SCEL: variants seen among roughly 807,000 people sequenced by gnomAD.
SCEL encodes the protein sciellin.
A neutral mutation model predicts 117.6 loss-of-function variants in SCEL; 113 were observed. The observed-to-expected ratio is 0.96, with a 90% CI of 0.83 to 1.12. SCEL has a LOEUF of 1.12. Ranked by LOEUF, SCEL falls within the 50% of genes most tolerant of loss-of-function variation. SCEL has a pLI of 0.00. For synonymous variants in SCEL, 270 were observed against 256.2 expected (o/e 1.05, Z -0.51); for missense variants, 785 against 810.8 (o/e 0.97, Z 0.39).
chr13:77,552,318 A>C (rs1023779041), intron 1 of SCEL, among the ~76,000 whole-genome samples: 2 of 151,454 alleles, frequency 1.3e-5, no homozygotes, highest in African/African-American at 4.9e-5. Context: ...CCAACAGTGT[A>C]AAAGTGTTCC....
intron 9 of SCEL, among the ~76,000 whole-genome samples, chr13:77,579,319 A>G (rs2154398595): frequency 6.6e-6 from 1 of 152,316 alleles, no homozygotes; most frequent in East Asian, 1.9e-4. Flanking sequence ...AACTCTTTGA[A>G]TCATCAAGTT....
chr13:77,558,818 A>AC (rs1491399128), intron 3 of SCEL, among the ~76,000 whole-genome samples: 1 of 96,858 alleles, frequency 1.0e-5, no homozygotes, highest in Non-Finnish European at 2.2e-5. Context: ...ACTCTGTCTT[A>AC]CAAAAAAAAA....
intron 9 of SCEL, among the ~76,000 whole-genome samples, chr13:77,572,931 A>C (rs779665491): frequency 2.0e-5 from 3 of 152,182 alleles, no homozygotes; most frequent in Non-Finnish European, 4.4e-5. Context: ...CAGGGGTTCC[A>C]ATGTGGGCTC....
Position 77,610,036 on chromosome 13 carries a change from A to C in SCEL, c.1278-11A>C. ...AAATCTACCACTGATCTGATTTTCT[A>C]TGTTTTTAAGGGGCCAAAGTCTCGA... On this transcript the variant is annotated splice_polypyrimidine_tract_variant and intron_variant, in intron 21 of 32. Coordinates refer to ENST00000349847, the MANE Select transcript of SCEL (RefSeq NM_144777.3). The C allele has an allele frequency of 6.3e-7, 1 of 1,598,722 alleles. No individual in the cohort carries two copies. The highest frequency in any genetic ancestry group is 8.5e-7 in the Non-Finnish European group (1 of 1,169,786).
chr13:77,545,799 A>G (rs564830023), intron 1 of SCEL, among the ~76,000 whole-genome samples: 1 of 152,352 alleles, frequency 6.6e-6, no homozygotes, highest in East Asian at 1.9e-4. Context: ...GCCAAAAGGG[A>G]AAGAAAGACT....
rs139861959 is a variant in SCEL at position 77,599,374 on chromosome 13, A to G, written c.843A>G (p.Glu281=). 1.9e-6 allele frequency: 3 copies of G among 1,612,204 alleles called. No individual in the cohort carries two copies. The highest frequency in any genetic ancestry group is 1.3e-5 in the African/African-American group (1 of 74,878). Residue 281 remains glutamate (E), a synonymous_variant, in exon 14 of 33, where the codon GAA becomes GAG. Coordinates refer to ENST00000349847, the MANE Select transcript of SCEL (RefSeq NM_144777.3). ...TCTTCAGAGCAAATCCAAAGGTAGA[A>G]GAAAGAGAGAAAAGGTAAGTGCATC... is the stretch of plus-strand genomic sequence containing the variant. ...DSLFRANPKV[E]EREKRAKSLE...
chr13:77,595,860 C>T (rs1391568123), intron 12 of SCEL, among the ~76,000 whole-genome samples: 2 of 152,148 alleles, frequency 1.3e-5, no homozygotes, highest in Non-Finnish European at 2.9e-5. Flanking sequence ...ACAGGATTCA[C>T]CTATGTACTG....
chr13:77,628,174 A>G (rs866911015), intron 28 of SCEL, among the ~76,000 whole-genome samples, 165 bp downstream of exon 28: 30 of 140,762 alleles, frequency 2.1e-4, no homozygotes, highest in East Asian at 8.1e-4. Flanking sequence ...GTGTGTGTAT[A>G]TATATATATA....
chr13:77,617,576 T>C (rs2089146604), intron 24 of SCEL, 23 bp from the exon 25 acceptor site: 1 of 1,478,128 alleles, frequency 6.8e-7, no homozygotes, highest in Non-Finnish European at 9.3e-7. Flanking sequence ...CCCAAGTTGC[T>C]TTAATATTTT....
Position 77,645,138 on chromosome 13 carries a change from T to A in SCEL, c.*864T>A, listed in dbSNP as rs887485554. On this transcript the variant is annotated 3_prime_UTR_variant, in exon 33 of 33. Coordinates refer to ENST00000349847, the MANE Select transcript of SCEL (RefSeq NM_144777.3). ...TTTCAAAATCTGGGTATACTTATAA[T>A]CCATTAGAAGTAATGGTTATGGACT... The A allele has an allele frequency of 6.6e-6, 1 of 152,118 alleles. No individual in the cohort carries two copies. The allele number at this position is 152,118 out of a possible 1,614,324, so 9.4% of individuals were successfully genotyped here.
At chr13:77,593,300 G>GTGTGTGTGCGCGCGCGTC (rs1555510798) in intron 11 of SCEL, among the ~76,000 whole-genome samples, 5 of 145,230 alleles carry the variant, frequency 3.4e-5, no homozygotes, top group African/African-American at 1.0e-4. Flanking sequence ...GTGTGTGTCT[G>GTGTGTGTGCGCGCGCGTC]TGTGTGTGTG....
intron 9 of SCEL, among the ~76,000 whole-genome samples, chr13:77,579,362 T>C (rs1323530643): frequency 6.6e-6 from 1 of 152,234 alleles, no homozygotes; most frequent in African/African-American, 2.4e-5. Context: ...AATAAGTACA[T>C]ATTGATTGAT....
chr13:77,600,058 G>A (rs1209137552), intron 15 of SCEL: 1 of 318,352 alleles, frequency 3.1e-6, no homozygotes, highest in African/African-American at 2.1e-5. Flanking sequence ...GTTACAAGTA[G>A]TGGAGAATAG....
chr13:77,568,296 A>C lies in SCEL; in HGVS notation c.361A>C (p.Ser121Arg), dbSNP rs201082386. Residue 121 changes from serine (S) to arginine (R), a missense_variant and splice_region_variant, in exon 7 of 33, where the codon AGC (serine) becomes CGC (arginine). Ser to Arg is a moderately radical substitution (Grantham distance 110). Coordinates refer to ENST00000349847, the MANE Select transcript of SCEL (RefSeq NM_144777.3). ...NTLDNQLTNR[S>R]MSMFRSLEVT... Reference sequence around the variant, plus strand: ...TTTGCTTTCTTTCTCTCTTACCAGGAGCATGTCCATGTTTAGATCACTGGA... The same window carrying C: ...TTTGCTTTCTTTCTCTCTTACCAGGCGCATGTCCATGTTTAGATCACTGGA... 4 of 1,562,776 alleles carry C rather than the reference A, an allele frequency of 2.6e-6. No individual in the cohort carries two copies. Among genetic ancestry groups the C allele is most frequent in the Non-Finnish European group, 3.5e-6 (4 of 1,138,714 alleles).
rs370757043 is a variant in SCEL at position 77,603,181 on chromosome 13, A to G, written c.1097+46A>G. ...TAATTATGGTTTCTGTTAAGTGTCAATCAGAAGATAAAATAATTTGGCTTT... is the reference window on the plus strand; with the variant it reads ...TAATTATGGTTTCTGTTAAGTGTCAGTCAGAAGATAAAATAATTTGGCTTT... On this transcript the variant is annotated intron_variant, in intron 18 of 32. Coordinates refer to ENST00000349847, the MANE Select transcript of SCEL (RefSeq NM_144777.3). 8.0e-4 allele frequency: 969 copies of G among 1,206,756 alleles called. 4 individuals are homozygous for G. The highest frequency in any genetic ancestry group is 9.9e-4 in the Non-Finnish European group (848 of 852,854). The allele number at this position is 1,206,756 out of a possible 1,614,324, so 74.8% of individuals were successfully genotyped here. A position where few individuals can be genotyped will look rare whatever the true frequency, so the allele number is the denominator to read the frequency against.
intron 1 of SCEL, among the ~76,000 whole-genome samples, chr13:77,548,881 C>A (rs546361567): frequency 6.6e-6 from 1 of 152,024 alleles, no homozygotes; most frequent in African/African-American, 2.4e-5. Flanking sequence ...TATAAATTAC[C>A]CAGTCTTGGG....
At chr13:77,538,380 G>T (rs2083524474) in intron 1 of SCEL, among the ~76,000 whole-genome samples, 2 of 152,300 alleles carry the variant, frequency 1.3e-5, no homozygotes, top group Non-Finnish European at 2.9e-5. Context: ...GTCTCCCAAA[G>T]TGCTGGGATT....
At chr13:77,600,116 G>A (rs2087554958) in intron 15 of SCEL, 1 of 177,790 alleles carries the variant, frequency 5.6e-6, no homozygotes, top group Non-Finnish European at 1.2e-5. Flanking sequence ...TTAGGTGCTG[G>A]GAGCATAGCC....
At chr13:77,630,728 T>C (rs922732548) in intron 28 of SCEL, among the ~76,000 whole-genome samples, 1 of 152,228 alleles carries the variant, frequency 6.6e-6, no homozygotes, top group African/African-American at 2.4e-5. Context: ...GTAAATCCAT[T>C]TGGAATTCTA....
Sources: gnomAD v4.1 joint callset for allele counts (sites outside exome capture counted in the v4.1 genomes callset) on GRCh38, gnomAD v4.1.1 for gene constraint, MANE v1.5 for transcripts, NCBI Gene and HGNC (gene_info 2026-07-23, HGNC 2026-07-21) for gene names.